Variants in GRID2 observed in about 807,000 individuals in gnomAD.
GRID2 encodes the protein glutamate receptor ionotropic, delta-2.
A neutral mutation model predicts 114.8 loss-of-function variants in GRID2; 33 were observed. That is an observed-to-expected ratio of 0.29 (90% CI 0.22 to 0.38). GRID2 has a LOEUF of 0.38. GRID2 is among the 10% of genes least tolerant of loss of function. The pLI is 1.00. For missense variants in GRID2, 1,184 were observed against 1,257.7 expected, an observed-to-expected ratio of 0.94 and a Z score of 0.89; for synonymous variants, 505 against 449.9, an observed-to-expected ratio of 1.12 and a Z score of -1.55.
intron 2 of GRID2, among the ~76,000 whole-genome samples, chr4:92,677,108 G>T (rs561166760): frequency 6.6e-6 from 1 of 152,304 alleles, no homozygotes; most frequent in African/African-American, 2.4e-5. Context: ...GCTGCCAGGG[G>T]TTGGGAAGAG....
At chr4:92,610,571 C>G (rs545258751) in intron 2 of GRID2, among the ~76,000 whole-genome samples, 1 of 151,560 alleles carries the variant, frequency 6.6e-6, no homozygotes, top group Admixed American at 6.6e-5. Flanking sequence ...TCCACTTCCT[C>G]GTCCTTCACG....
chr4:92,905,062 G>T (rs193029956), intron 2 of GRID2, among the ~76,000 whole-genome samples: 33 of 152,110 alleles, frequency 2.2e-4, no homozygotes, highest in Non-Finnish European at 4.1e-4. Context: ...TTAAGTGACA[G>T]TGATCCTTTT....
intron 4 of GRID2, among the ~76,000 whole-genome samples, chr4:93,156,354 A>G (rs1251325880): frequency 6.6e-6 from 1 of 151,854 alleles, no homozygotes; most frequent in African/African-American, 2.4e-5. Context: ...CAAGAGAACT[A>G]TATGATCTTG....
chr4:93,157,972 T>C (rs979363797), intron 4 of GRID2, among the ~76,000 whole-genome samples: 6 of 151,872 alleles, frequency 4.0e-5, no homozygotes, highest in African/African-American at 1.2e-4. Flanking sequence ...AACAGAGCGT[T>C]AAGCCAAGCA....
intron 1 of GRID2, among the ~76,000 whole-genome samples, chr4:92,490,226 G>A (rs954079658): frequency 6.6e-6 from 1 of 152,128 alleles, no homozygotes; most frequent in Admixed American, 6.5e-5. Context: ...AATATAATCT[G>A]CCTGTTTGTA....
intron 2 of GRID2, among the ~76,000 whole-genome samples, chr4:92,874,770 C>A (rs1345463853): frequency 6.6e-6 from 1 of 152,196 alleles, no homozygotes; most frequent in Admixed American, 6.5e-5. Context: ...TGTAAAAAAT[C>A]TAATTAAAAT....
intron 11 of GRID2, among the ~76,000 whole-genome samples, chr4:93,475,566 T>C (rs1018112868): frequency 6.6e-6 from 1 of 152,148 alleles, no homozygotes; most frequent in African/African-American, 2.4e-5. Flanking sequence ...TCATTAAAAC[T>C]GATTGAAAAT....
intron 1 of GRID2, among the ~76,000 whole-genome samples, chr4:92,402,285 TG>T (rs1432660439): frequency 1.3e-5 from 2 of 152,170 alleles, no homozygotes; most frequent in African/African-American, 4.8e-5. Flanking sequence ...TGTTGATCTG[TG>T]TACTTTGACC....
At chr4:93,324,372 C>G (rs1204660902) in intron 8 of GRID2, among the ~76,000 whole-genome samples, 1 of 152,122 alleles carries the variant, frequency 6.6e-6, no homozygotes, top group African/African-American at 2.4e-5. Flanking sequence ...GTGTGTTGAA[C>G]TAGCCTTGCA....
At chr4:93,761,561 A>G (rs1199929795) in intron 14 of GRID2, among the ~76,000 whole-genome samples, 1 of 152,188 alleles carries the variant, frequency 6.6e-6, no homozygotes, top group African/African-American at 2.4e-5. Context: ...CCTTAACAAG[A>G]AAAGCTTGCT....
chr4:92,855,296 G>C (rs1013868693), intron 2 of GRID2, among the ~76,000 whole-genome samples: 9 of 151,962 alleles, frequency 5.9e-5, no homozygotes, highest in African/African-American at 2.2e-4. Context: ...TGAAACCACA[G>C]TATAAAGGAG....
At chr4:93,449,114 A>T (rs1380474507) in intron 10 of GRID2, among the ~76,000 whole-genome samples, 1 of 151,690 alleles carries the variant, frequency 6.6e-6, no homozygotes, top group Non-Finnish European at 1.5e-5. Context: ...AAAGCCAAAT[A>T]AAATCAAATA....
chr4:92,530,221 G>A (rs1725266091), intron 1 of GRID2, among the ~76,000 whole-genome samples: 1 of 151,982 alleles, frequency 6.6e-6, no homozygotes, highest in African/African-American at 2.4e-5. Flanking sequence ...AGATCTAGGT[G>A]ATAGTCATTG....
At chr4:93,296,135 T>C (rs183835517) in intron 8 of GRID2, among the ~76,000 whole-genome samples, 7 of 152,318 alleles carry the variant, frequency 4.6e-5, no homozygotes, top group African/African-American at 1.4e-4. Context: ...GTCCAGGGCC[T>C]CTAACCTGCC....
At chr4:92,672,149 T>A (rs1251583475) in intron 2 of GRID2, among the ~76,000 whole-genome samples, 1 of 152,166 alleles carries the variant, frequency 6.6e-6, no homozygotes, top group East Asian at 1.9e-4. Flanking sequence ...GAGAGAATCG[T>A]ATAGTATATT....
chr4:92,900,828 C>T (rs1034759449), intron 2 of GRID2, among the ~76,000 whole-genome samples: 3 of 95,754 alleles, frequency 3.1e-5, no homozygotes, highest in Non-Finnish European at 3.7e-5. Context: ...AGTGAGACTT[C>T]GTCTCAAAAA....
intron 1 of GRID2, among the ~76,000 whole-genome samples, chr4:92,542,536 A>T (rs578127512): frequency 2.4e-4 from 37 of 152,218 alleles, no homozygotes; most frequent in African/African-American, 8.2e-4. Flanking sequence ...CAGGAATGAA[A>T]AAACAAACAT....
At chr4:92,870,629 G>T (rs1336390951) in intron 2 of GRID2, among the ~76,000 whole-genome samples, 4 of 151,892 alleles carry the variant, frequency 2.6e-5, no homozygotes, top group Non-Finnish European at 5.9e-5. Context: ...ATTTTAAAAA[G>T]CATTAACAGA....
chr4:92,981,683 T>C (rs1578667188), intron 2 of GRID2, among the ~76,000 whole-genome samples: 1 of 151,972 alleles, frequency 6.6e-6, no homozygotes, highest in Non-Finnish European at 1.5e-5. Flanking sequence ...TTGTATTTAT[T>C]ATATAAATAC....
Sources: allele counts gnomAD v4.1 joint callset (sites outside exome capture counted in the v4.1 genomes callset), GRCh38; gene constraint gnomAD v4.1.1; transcripts MANE v1.5; gene names NCBI Gene and HGNC (gene_info 2026-07-23, HGNC 2026-07-21).